The following TCF4 variants were observed in gnomAD, a reference collection of about 807,000 sequenced individuals.
The protein encoded by TCF4 is transcription factor 4.
TCF4 carries 3 observed loss-of-function variants against 82.1 expected under a neutral mutation model. That is an observed-to-expected ratio of 0.04 (90% CI 0.02 to 0.09). The LOEUF (loss-of-function observed/expected upper bound fraction) is 0.09, where lower values mean the gene tolerates loss of function less well. Among genes scored for constraint, TCF4 ranks in the 10% least tolerant of loss-of-function variants. The pLI, the probability that TCF4 is intolerant of heterozygous loss-of-function variation, is 1.00. For synonymous variants in TCF4, 276 were observed against 309.6 expected (o/e 0.89, Z 1.14); for missense variants, 518 against 852.7 (o/e 0.61, Z 4.89).
At position 55,528,989 on chromosome 18, in the gene TCF4, C is replaced by T. The variant is rs138999419; in HGVS notation, c.145+56291G>A. ...GGTCAGTACTTCAAGACCAGCCTGG[C>T]CAATATGGTGAAACCCCATCTCCAC... On this transcript the variant is annotated intron_variant, in intron 3 of 19. Transcript: ENST00000354452. Among the ~76,000 whole-genome samples the T allele has an allele frequency of 5.7e-4, 87 of 152,166 alleles. 1 individual carries two copies. Among genetic ancestry groups the T allele is most frequent in the Middle Eastern group, 3.4e-3 (1 of 294 alleles).
At chr18:55,315,519 T>C (rs1477510354) in intron 8 of TCF4, among the ~76,000 whole-genome samples, 1 of 152,154 alleles carries the variant, frequency 6.6e-6, no homozygotes, top group African/African-American at 2.4e-5. Context: ...CATGGATCTT[T>C]AGCACTGCAA....
At position 55,312,377 on chromosome 18, in the gene TCF4, T is replaced by G. The variant is rs1186030400; in HGVS notation, c.550-32721A>C. Among the ~76,000 whole-genome samples, 4 of 152,212 alleles carry G rather than the reference T, an allele frequency of 2.6e-5. No individual in the cohort carries two copies. The East Asian group carries it at 7.7e-4, about 29-fold the overall frequency. On this transcript the variant is annotated intron_variant, in intron 8 of 19. Coordinates refer to ENST00000354452, the MANE Select transcript of TCF4 (RefSeq NM_001083962.2). ...AAGATTCCAAAAACAAGTGCTAGCC[T>G]AAAGCTACTTAGCCATGATCTATTT...
upstream of TCF4, chr18:55,591,219 ATC>A (rs2097684874): frequency 1.3e-5 from 2 of 152,228 alleles, no homozygotes. Flanking sequence ...CGGTGTTCTC[ATC>A]TCAAAATAAT....
chr18:55,399,878 T>TCTCA (rs1156433064), intron 6 of TCF4, among the ~76,000 whole-genome samples: 1 of 77,008 alleles, frequency 1.3e-5, no homozygotes, highest in Non-Finnish European at 2.6e-5. Flanking sequence ...TCTCTCTCTC[T>TCTCA]CTCACACACA....
At position 55,259,827 on chromosome 18, in the gene TCF4, A is replaced by T. The variant is rs74562156; in HGVS notation, c.1069+122T>A. On this transcript the variant is annotated intron_variant, in intron 13 of 19. Coordinates refer to ENST00000354452, the MANE Select transcript of TCF4 (RefSeq NM_001083962.2). ...CCCACCCTTTGTATTTGTCTGTTAT[A>T]GGAATGTTAAAGCTTTGGGATTTGG... The T allele has an allele frequency of 1.6e-3, 1,296 of 827,614 alleles. 17 individuals are homozygous for T. In the African/African-American group the frequency reaches 0.017, roughly 11 times the overall value. The allele number at this position is 827,614 out of a possible 1,614,324, so 51.3% of individuals were successfully genotyped here.
chr18:55,601,565 C>A (rs1568485386), intron 2 of TCF4, among the ~76,000 whole-genome samples: 1 of 152,084 alleles, frequency 6.6e-6, no homozygotes, highest in Non-Finnish European at 1.5e-5. Context: ...GGGCAGATCA[C>A]TTGAGGTCAG....
At chr18:55,252,481 G>A (rs2055532271) in intron 15 of TCF4, among the ~76,000 whole-genome samples, 2 of 151,930 alleles carry the variant, frequency 1.3e-5, no homozygotes, top group African/African-American at 2.4e-5. Context: ...TTCTACTGAG[G>A]TCAGTCCAAC....
intron 3 of TCF4, among the ~76,000 whole-genome samples, chr18:55,583,333 G>T (rs1568458462): frequency 6.6e-6 from 1 of 152,028 alleles, no homozygotes; most frequent in Non-Finnish European, 1.5e-5. Flanking sequence ...ATGAACATAT[G>T]TGTGTATGTG....
In TCF4 at chr18:55,507,817, T is replaced by C. The variant is rs115049708; in HGVS notation, c.146-43680A>G. Among the ~76,000 whole-genome samples the C allele has an allele frequency of 5.9e-3, 904 of 152,238 alleles. 11 individuals are homozygous for C. Among genetic ancestry groups the C allele is most frequent in the African/African-American group, 0.021 (863 of 41,516 alleles). On this transcript the variant is annotated intron_variant, in intron 3 of 19. Coordinates refer to ENST00000354452, the MANE Select transcript of TCF4 (RefSeq NM_001083962.2). ...CTGGGAGTAATCTATCAAGTATTGATTGGGTTCAAGTGTTGGTGCTGAGGA... is the reference window on the plus strand; with the variant it reads ...CTGGGAGTAATCTATCAAGTATTGACTGGGTTCAAGTGTTGGTGCTGAGGA...
chr18:55,592,678 C>A (rs190165307), upstream of TCF4, among the ~76,000 whole-genome samples: 11 of 152,198 alleles, frequency 7.2e-5, no homozygotes, highest in Admixed American at 2.6e-4. Context: ...AGATTGGACC[C>A]CAGGAGCGAA....
chr18:55,537,568 G>A (rs994170781), intron 3 of TCF4, among the ~76,000 whole-genome samples: 1 of 144,586 alleles, frequency 6.9e-6, no homozygotes, highest in Non-Finnish European at 1.6e-5. Context: ...ACTCCAGCCT[G>A]AGTGAGAGTG....
At chr18:55,619,775 G>C (rs1243011555) in intron 2 of TCF4, among the ~76,000 whole-genome samples, 1 of 151,788 alleles carries the variant, frequency 6.6e-6, no homozygotes, top group African/African-American at 2.4e-5. Flanking sequence ...TCCATTTCAG[G>C]CATCTTGAAT....
chr18:55,453,808 T>C (rs1464331854), intron 5 of TCF4, among the ~76,000 whole-genome samples: 1 of 149,752 alleles, frequency 6.7e-6, no homozygotes, highest in Non-Finnish European at 1.5e-5. Flanking sequence ...ATAATAATAA[T>C]AGTAATTATT....
chr18:55,328,167 ACTT>A (rs2076899052), intron 8 of TCF4, among the ~76,000 whole-genome samples: 1 of 152,178 alleles, frequency 6.6e-6, no homozygotes, highest in Non-Finnish European at 1.5e-5. Flanking sequence ...AGTGAAATTC[ACTT>A]CTTCCTTCCT....
chr18:55,385,547 G>A (rs557600315), intron 6 of TCF4, among the ~76,000 whole-genome samples: 5 of 152,178 alleles, frequency 3.3e-5, no homozygotes, highest in South Asian at 4.2e-4. Flanking sequence ...GATTATAGGC[G>A]TGAGCCACCA....
intron 2 of TCF4, among the ~76,000 whole-genome samples, chr18:55,601,551 A>G (rs2097697023): frequency 6.6e-6 from 1 of 152,060 alleles, no homozygotes; most frequent in Admixed American, 6.5e-5. Flanking sequence ...TGGGAGGCCA[A>G]GGCGGGCAGA....
intron 2 of TCF4, among the ~76,000 whole-genome samples, chr18:55,614,899 C>T (rs958306768): frequency 6.6e-6 from 1 of 151,992 alleles, no homozygotes; most frequent in Non-Finnish European, 1.5e-5. Flanking sequence ...AGTCTGTGAC[C>T]CATTCTGAGT....
At chr18:55,533,011 T>TA (rs1309648462) in intron 3 of TCF4, among the ~76,000 whole-genome samples, 1 of 152,200 alleles carries the variant, frequency 6.6e-6, no homozygotes, top group Non-Finnish European at 1.5e-5. Context: ...ACATAAGTGT[T>TA]ACTATTTCTG....
intron 5 of TCF4, among the ~76,000 whole-genome samples, chr18:55,459,186 T>C (rs1277963566): frequency 6.6e-6 from 1 of 152,150 alleles, no homozygotes; most frequent in East Asian, 1.9e-4. Flanking sequence ...AAAGCTGACA[T>C]GGATTTGCAG....
Sources: gnomAD v4.1 joint callset for allele counts (sites outside exome capture counted in the v4.1 genomes callset) on GRCh38, gnomAD v4.1.1 for gene constraint, MANE v1.5 for transcripts, NCBI Gene and HGNC (gene_info 2026-07-23, HGNC 2026-07-21) for gene names.